C8orf34: variants seen among roughly 807,000 people sequenced by gnomAD.
C8orf34 encodes the protein chromosome 8 open reading frame 34.
Under a neutral mutation model 68.3 loss-of-function variants are expected in C8orf34, and 65 were observed. That is an observed-to-expected ratio of 0.95 (90% CI 0.78 to 1.17). The LOEUF (loss-of-function observed/expected upper bound fraction) is 1.17. C8orf34 is among the 50% of genes most tolerant of loss of function. C8orf34 has a pLI of 0.00. For synonymous variants in C8orf34, 244 were observed against 241.2 expected, an observed-to-expected ratio of 1.01 and a Z score of -0.11; for missense variants, 664 against 655.4, an observed-to-expected ratio of 1.01 and a Z score of -0.14.
At position 68,408,672 on chromosome 8, in the gene C8orf34, G is replaced by C. The variant is rs553702567; in HGVS notation, c.328-30827G>C. On this transcript the variant is annotated intron_variant, in intron 1 of 13. Coordinates refer to ENST00000518698, the MANE Select transcript of C8orf34 (RefSeq NM_052958.4). ...CTGCACATATGACAGTGGTCCCGTA[G>C]AGCTCAGAAATTCCTGTTTCCTAGT... Among the ~76,000 whole-genome samples, 103 of 152,322 alleles carry C rather than the reference G, an allele frequency of 6.8e-4. 1 individual carries two copies. Among genetic ancestry groups the C allele is most frequent in the Non-Finnish European group, 1.6e-4 (11 of 68,034 alleles).
chr8:68,769,673 T>A (rs1354039176), intron 10 of C8orf34, among the ~76,000 whole-genome samples: 4 of 152,168 alleles, frequency 2.6e-5, no homozygotes, highest in Admixed American at 6.6e-5. Flanking sequence ...TTTACAAACT[T>A]TATGATTTGT....
At chr8:68,439,982 T>C (rs1000364672) in intron 2 of C8orf34, among the ~76,000 whole-genome samples, 5 of 152,206 alleles carry the variant, frequency 3.3e-5, no homozygotes. Flanking sequence ...TTATAGCTTA[T>C]CTATATAGAA....
chr8:68,618,378 G>T (rs1818290264), intron 7 of C8orf34, among the ~76,000 whole-genome samples: 1 of 151,952 alleles, frequency 6.6e-6, no homozygotes, highest in Non-Finnish European at 1.5e-5. Flanking sequence ...TGAAGATAGG[G>T]TCTTTCTCTG....
Position 68,466,738 on chromosome 8 carries a change from C to CATATATATATATATATATATAT in C8orf34, c.608-1948_608-1927dup, listed in dbSNP as rs35661495. Among the ~76,000 whole-genome samples the CATATATATATATATATATATAT allele has an allele frequency of 9.5e-4, 115 of 120,502 alleles. 3 individuals carry two copies. Among genetic ancestry groups the CATATATATATATATATATATAT allele is most frequent in the African/African-American group, 1.8e-3 (50 of 27,166 alleles). The allele number at this position is 120,502 out of a possible 152,430, so 79.1% of individuals were successfully genotyped here. ...TTCTGTGAAAATAAACAACGTTGTA[C>CATATATATATATATATATATAT]ATATATATATATATATATATATATA... On this transcript the variant is annotated intron_variant, in intron 3 of 13. Coordinates refer to ENST00000518698, the MANE Select transcript of C8orf34 (RefSeq NM_052958.4).
At chr8:68,660,602 G>T (rs1298348676) in intron 8 of C8orf34, among the ~76,000 whole-genome samples, 1 of 152,174 alleles carries the variant, frequency 6.6e-6, no homozygotes, top group African/African-American at 2.4e-5. Flanking sequence ...GCTCACCTGT[G>T]CTGTGCCCCT....
intron 1 of C8orf34, among the ~76,000 whole-genome samples, chr8:68,381,525 G>A (rs1808031608): frequency 6.6e-6 from 1 of 151,408 alleles, no homozygotes; most frequent in Non-Finnish European, 1.5e-5. Context: ...GAGGTCAGGA[G>A]ATCGAGACCA....
intron 7 of C8orf34, among the ~76,000 whole-genome samples, chr8:68,629,152 G>A (rs1818618964): frequency 6.6e-6 from 1 of 152,106 alleles, no homozygotes; most frequent in Non-Finnish European, 1.5e-5. Context: ...TTAACTACTG[G>A]GATGATAATT....
chr8:68,573,466 C>A (rs896407363), intron 7 of C8orf34, among the ~76,000 whole-genome samples: 2 of 152,136 alleles, frequency 1.3e-5, no homozygotes, highest in Admixed American at 6.6e-5. Context: ...CAGCTATGCC[C>A]AACTGAGATC....
intron 5 of C8orf34, among the ~76,000 whole-genome samples, chr8:68,489,607 A>T (rs552401944): frequency 1.3e-5 from 2 of 152,284 alleles, no homozygotes. Flanking sequence ...TTTGACTGCG[A>T]CTCATCACAC....
chr8:68,627,381 C>A (rs1248047015), intron 7 of C8orf34, among the ~76,000 whole-genome samples: 1 of 152,094 alleles, frequency 6.6e-6, no homozygotes, highest in African/African-American at 2.4e-5. Flanking sequence ...ATGTGTTGCA[C>A]TTCAATTAAA....
At position 68,709,063 on chromosome 8, in the gene C8orf34, A is replaced by T. The variant is rs545030300; in HGVS notation, c.1311A>T (p.Lys437Asn). Residue 437 changes from lysine (K) to asparagine (N), a missense_variant, in exon 9 of 14, where the codon AAA becomes AAT. Physicochemically the swap from Lys to Asn is moderately conservative, Grantham distance 94 (BLOSUM62 0). Transcript: ENST00000518698. Reference protein sequence around the residue: ...SLPILHSPDEKIPDSFDSLPG... With the variant: ...SLPILHSPDENIPDSFDSLPG... ...CAATACTCCATTCTCCAGATGAAAAAATCCCAGATTCATTCGGTAAGTTTT... is the reference window on the plus strand; with the variant it reads ...CAATACTCCATTCTCCAGATGAAAATATCCCAGATTCATTCGGTAAGTTTT... 1.3e-4 allele frequency: 204 copies of T among 1,612,230 alleles called. No individual in the cohort carries two copies. The South Asian group carries it at 2.1e-3, about 17-fold the overall frequency.
chr8:68,560,291 T>C (rs1182256657), intron 7 of C8orf34, among the ~76,000 whole-genome samples: 1 of 142,358 alleles, frequency 7.0e-6, no homozygotes, highest in Non-Finnish European at 1.5e-5. Flanking sequence ...GATCATTTTT[T>C]ATTGTTCACT....
At chr8:68,527,304 G>A (rs1037527791) in intron 6 of C8orf34, among the ~76,000 whole-genome samples, 10 of 152,190 alleles carry the variant, frequency 6.6e-5, no homozygotes, top group Non-Finnish European at 1.2e-4. Flanking sequence ...GAGGCCCGGC[G>A]CAGTGGCTCA....
In C8orf34 at chr8:68,565,949, A is replaced by T. The variant is rs184212010; in HGVS notation, c.1105+32800A>T. On this transcript the variant is annotated intron_variant, in intron 7 of 13. Transcript: ENST00000518698. ...TCGCTTGAAGGAAGATACAAATTATACAAAAATAGGTAAGAATGAAGTTGG... is the reference window on the plus strand; with the variant it reads ...TCGCTTGAAGGAAGATACAAATTATTCAAAAATAGGTAAGAATGAAGTTGG... Among the ~76,000 whole-genome samples the T allele has an allele frequency of 5.3e-5, 8 of 152,298 alleles. No individual in the cohort carries two copies. In the East Asian group the frequency reaches 1.5e-3, roughly 29 times the overall value.
chr8:68,758,733 A>G (rs903495590), intron 10 of C8orf34, among the ~76,000 whole-genome samples: 1 of 141,144 alleles, frequency 7.1e-6, no homozygotes, highest in African/African-American at 2.6e-5. Flanking sequence ...TAGAGACTGT[A>G]CATTATTCCC....
Position 68,603,653 on chromosome 8 carries a change from T to G in C8orf34, c.1106-36723T>G, listed in dbSNP as rs114953857. ...TAAAATAAGCCAGATACAAAAGAAA[T>G]CATACTGTATGGTTTCATTTACATA... On this transcript the variant is annotated intron_variant, in intron 7 of 13. Transcript: ENST00000518698. 3.5e-3 allele frequency among the ~76,000 whole-genome samples: 525 copies of G among 151,888 alleles called. 1 individual carries two copies. The highest frequency in any genetic ancestry group is 0.012 in the African/African-American group (498 of 41,410).
intron 7 of C8orf34, among the ~76,000 whole-genome samples, chr8:68,630,945 ATTTTTTTTTT>A (rs36031699): frequency 8.4e-6 from 1 of 118,352 alleles, no homozygotes; most frequent in African/African-American, 3.4e-5. Flanking sequence ...ATGCCCAGCT[ATTTTTTTTTT>A]TTTTTTTTTT....
At chr8:68,710,991 G>T (rs112972301) in intron 9 of C8orf34, among the ~76,000 whole-genome samples, 14,994 of 152,144 alleles carry the variant, frequency 0.099, 804 homozygotes, top group Middle Eastern at 0.15. Context: ...CACATCACAG[G>T]ACTCTTTGCA....
chr8:68,487,248 G>A (rs1813116791), intron 4 of C8orf34, among the ~76,000 whole-genome samples: 2 of 152,154 alleles, frequency 1.3e-5, no homozygotes, highest in Admixed American at 6.5e-5. Context: ...TGCCATTTCA[G>A]GAAAGGACCC....
Sources: gnomAD v4.1 joint callset for allele counts (sites outside exome capture counted in the v4.1 genomes callset) on GRCh38, gnomAD v4.1.1 for gene constraint, MANE v1.5 for transcripts, NCBI Gene and HGNC (gene_info 2026-07-23, HGNC 2026-07-21) for gene names.